Variants in AUTS2 observed in about 807,000 individuals in gnomAD.
AUTS2 encodes the protein activator of transcription and developmental regulator AUTS2.
AUTS2 carries 17 observed loss-of-function variants against 112.4 expected under a neutral mutation model. That is an observed-to-expected ratio of 0.15 (90% CI 0.10 to 0.23). The LOEUF (loss-of-function observed/expected upper bound fraction) is 0.23, where lower values mean the gene tolerates loss of function less well. Among genes scored for constraint, AUTS2 ranks in the 10% least tolerant of loss-of-function variants. The probability of loss-of-function intolerance (pLI) is 1.00; values close to 1 mark genes in which losing one functional copy is unlikely to be tolerated. For synonymous variants in AUTS2, 751 were observed against 702.7 expected, an observed-to-expected ratio of 1.07 and a Z score of -1.09; for missense variants, 1,510 against 1,701.6, an observed-to-expected ratio of 0.89 and a Z score of 1.98.
At chr7:69,831,117 C>T (rs1476474676) in intron 1 of AUTS2, among the ~76,000 whole-genome samples, 1 of 152,104 alleles carries the variant, frequency 6.6e-6, no homozygotes, top group Non-Finnish European at 1.5e-5. Context: ...CACCTGATCC[C>T]CACTCCCCAA....
At chr7:70,334,497 G>A (rs1562888004) in intron 4 of AUTS2, among the ~76,000 whole-genome samples, 2 of 152,036 alleles carry the variant, frequency 1.3e-5, no homozygotes. Context: ...TAGAGTATTG[G>A]GGGCAGAGGA....
At chr7:69,708,172 T>G (rs1369077290) in intron 1 of AUTS2, among the ~76,000 whole-genome samples, 2 of 152,170 alleles carry the variant, frequency 1.3e-5, no homozygotes, top group African/African-American at 4.8e-5. Flanking sequence ...GGTGTTTAGC[T>G]TACCAAGCCC....
intron 4 of AUTS2, among the ~76,000 whole-genome samples, chr7:70,318,118 T>C (rs574298988): frequency 5.2e-4 from 79 of 152,260 alleles, no homozygotes; most frequent in African/African-American, 1.8e-3. Flanking sequence ...TATAAATCTA[T>C]TATGCATGTC....
At chr7:70,607,125 T>A (rs1803823913) in intron 5 of AUTS2, among the ~76,000 whole-genome samples, 1 of 152,118 alleles carries the variant, frequency 6.6e-6, no homozygotes, top group Non-Finnish European at 1.5e-5. Context: ...GGCCTACTTC[T>A]GAAAGGAGGG....
intron 2 of AUTS2, among the ~76,000 whole-genome samples, chr7:70,102,332 A>T (rs923334040): frequency 5.9e-5 from 9 of 151,686 alleles, no homozygotes; most frequent in African/African-American, 2.2e-4. Context: ...GTTAGCCAGG[A>T]TATTCTTGAT....
chr7:70,325,587 T>C (rs1167912958), intron 4 of AUTS2, among the ~76,000 whole-genome samples: 1 of 152,080 alleles, frequency 6.6e-6, no homozygotes, highest in Non-Finnish European at 1.5e-5. Context: ...ATTCAGAAGG[T>C]AGAATAAAAA....
intron 1 of AUTS2, among the ~76,000 whole-genome samples, chr7:69,867,196 G>T (rs1018836184): frequency 1.3e-5 from 2 of 152,166 alleles, no homozygotes; most frequent in Non-Finnish European, 1.5e-5. Context: ...CTATTAAAGG[G>T]GAATTCTGAC....
chr7:70,338,833 CTTA>C (rs1214993438), intron 4 of AUTS2, among the ~76,000 whole-genome samples: 11,821 of 141,020 alleles, frequency 0.084, 598 homozygotes, highest in African/African-American at 0.13. Flanking sequence ...AGCCTCATCT[CTTA>C]TTTATTTATT....
intron 5 of AUTS2, among the ~76,000 whole-genome samples, chr7:70,517,126 A>C (rs1424354229): frequency 6.6e-6 from 1 of 152,232 alleles, no homozygotes; most frequent in Non-Finnish European, 1.5e-5. Context: ...GCCTTCCTGA[A>C]TAAGGGATTT....
At chr7:69,800,423 T>C (rs571834523) in intron 1 of AUTS2, among the ~76,000 whole-genome samples, 1 of 152,336 alleles carries the variant, frequency 6.6e-6, no homozygotes, top group South Asian at 2.1e-4. Context: ...GATACATCCC[T>C]GTTGTAGAAG....
chr7:70,117,104 G>GTTTTTTTTTTTTT (rs61076536), intron 2 of AUTS2, among the ~76,000 whole-genome samples: 5 of 78,448 alleles, frequency 6.4e-5, no homozygotes, highest in African/African-American at 1.4e-4. Flanking sequence ...GATGACTTTT[G>GTTTTTTTTTTTTT]TTTTTTTTTT....
At chr7:70,338,046 T>C (rs569603216) in intron 4 of AUTS2, among the ~76,000 whole-genome samples, 17 of 152,352 alleles carry the variant, frequency 1.1e-4, no homozygotes, top group African/African-American at 4.1e-4. Context: ...TTAAAAACTC[T>C]AATTAAAACA....
chr7:70,066,624 C>T (rs999407436), intron 2 of AUTS2, among the ~76,000 whole-genome samples: 3 of 151,054 alleles, frequency 2.0e-5, no homozygotes, highest in Non-Finnish European at 4.4e-5. Context: ...CACTGCACTC[C>T]GTCTCCCGGG....
chr7:69,895,551 C>CG (rs931394465), intron 1 of AUTS2, among the ~76,000 whole-genome samples: 12 of 147,414 alleles, frequency 8.1e-5, no homozygotes, highest in South Asian at 2.4e-4. Flanking sequence ...CTTCCCCCCC[C>CG]CCGAGTGGAA....
At chr7:69,864,361 G>A (rs1014416) in intron 1 of AUTS2, among the ~76,000 whole-genome samples, 46,326 of 152,052 alleles carry the variant, frequency 0.3, 8,634 homozygotes, top group Non-Finnish European at 0.41. Context: ...AAGAGATGAT[G>A]CAGCTCTCTC....
At chr7:69,728,072 A>G (rs904136332) in intron 1 of AUTS2, among the ~76,000 whole-genome samples, 2 of 152,080 alleles carry the variant, frequency 1.3e-5, no homozygotes, top group African/African-American at 4.8e-5. Flanking sequence ...GATGGAAGCC[A>G]TTCCAGTGGA....
chr7:70,415,622 A>G (rs1454170162), intron 4 of AUTS2, among the ~76,000 whole-genome samples: 1 of 152,140 alleles, frequency 6.6e-6, no homozygotes, highest in African/African-American at 2.4e-5. Context: ...CCAAGTGGCT[A>G]CCGTAAGTGG....
At chr7:69,796,101 T>G (rs996145085) in intron 1 of AUTS2, among the ~76,000 whole-genome samples, 2 of 152,196 alleles carry the variant, frequency 1.3e-5, no homozygotes, top group African/African-American at 4.8e-5. Flanking sequence ...TCTGGATGTT[T>G]TTCACATTCC....
At chr7:70,046,952 A>T (rs1414966750) in intron 2 of AUTS2, among the ~76,000 whole-genome samples, 1 of 152,220 alleles carries the variant, frequency 6.6e-6, no homozygotes, top group African/African-American at 2.4e-5. Context: ...TGTTCTTAAT[A>T]GGGCTAGATA....
Sources: allele counts gnomAD v4.1 joint callset (sites outside exome capture counted in the v4.1 genomes callset), GRCh38; gene constraint gnomAD v4.1.1; transcripts MANE v1.5; gene names NCBI Gene and HGNC (gene_info 2026-07-23, HGNC 2026-07-21).